RSRC1: variants seen among roughly 807,000 people sequenced by gnomAD.
RSRC1 encodes the protein arginine and serine rich coiled-coil 1, also known as serine/Arginine-related protein 53.
A neutral mutation model predicts 49.1 loss-of-function variants in RSRC1; 39 were observed. The ratio of observed to expected loss-of-function variants is 0.79; its 90% CI spans 0.61 to 1.04. The LOEUF is 1.04. Among genes scored for constraint, RSRC1 ranks in the 50% least tolerant of loss-of-function variants. The pLI, the probability that RSRC1 is intolerant of heterozygous loss-of-function variation, is 0.00. For missense variants in RSRC1, 388 were observed against 402.4 expected, an observed-to-expected ratio of 0.96 and a Z score of 0.31; for synonymous variants, 143 against 130.8, an observed-to-expected ratio of 1.09 and a Z score of -0.63.
At chr3:158,396,296 T>G (rs1733606602) in intron 6 of RSRC1, among the ~76,000 whole-genome samples, 1 of 151,894 alleles carries the variant, frequency 6.6e-6, no homozygotes, top group Non-Finnish European at 1.5e-5. Flanking sequence ...TGACATGCAA[T>G]TTACCTATAT....
At chr3:158,446,795 T>C (rs561658272) in intron 6 of RSRC1, among the ~76,000 whole-genome samples, 2 of 152,140 alleles carry the variant, frequency 1.3e-5, no homozygotes, top group East Asian at 3.9e-4. Flanking sequence ...AACGTGCCTC[T>C]TCATTAACAG....
At position 158,169,074 on chromosome 3, in the gene RSRC1, A is replaced by G. The variant is rs181430402; in HGVS notation, c.321-33998A>G. Among the ~76,000 whole-genome samples the G allele has an allele frequency of 7.5e-3, 1,140 of 151,798 alleles. 13 individuals are homozygous for G. Among genetic ancestry groups the G allele is most frequent in the African/African-American group, 0.026 (1,085 of 41,372 alleles). ...AAATAGAAACCAGCCCTTTGGAAAG[A>G]CTCCCTTCACCCCTAATATCAGCGT... is the stretch of plus-strand genomic sequence containing the variant. On this transcript the variant is annotated intron_variant, in intron 3 of 9. Transcript: ENST00000611884.
At chr3:158,334,449 A>G (rs1729744756) in intron 5 of RSRC1, among the ~76,000 whole-genome samples, 1 of 151,158 alleles carries the variant, frequency 6.6e-6, no homozygotes, top group Non-Finnish European at 1.5e-5. Flanking sequence ...CTCTTGGTTT[A>G]GCTATTTTAA....
chr3:158,514,934 T>G (rs1414995639), intron 7 of RSRC1, among the ~76,000 whole-genome samples: 1 of 152,148 alleles, frequency 6.6e-6, no homozygotes, highest in Non-Finnish European at 1.5e-5. Context: ...AGAGTAGGAT[T>G]GCAACCCCTA....
intron 6 of RSRC1, among the ~76,000 whole-genome samples, chr3:158,384,113 A>C (rs555726269): frequency 3.2e-4 from 49 of 152,274 alleles, no homozygotes; most frequent in Admixed American, 6.5e-4. Context: ...TAGTTTTCGA[A>C]ATATGTCATA....
At chr3:158,287,397 A>G (rs1726635268) in intron 4 of RSRC1, among the ~76,000 whole-genome samples, 1 of 152,158 alleles carries the variant, frequency 6.6e-6, no homozygotes, top group African/African-American at 2.4e-5. Flanking sequence ...AATAGTGGAG[A>G]TGAAATATAC....
At chr3:158,248,654 G>A (rs827181) in intron 4 of RSRC1, among the ~76,000 whole-genome samples, 5 of 150,896 alleles carry the variant, frequency 3.3e-5, no homozygotes, top group African/African-American at 1.2e-4. Flanking sequence ...CTGGAGTGCA[G>A]TAATGTGATC....
chr3:158,449,627 A>AT (rs1386205800), intron 6 of RSRC1, among the ~76,000 whole-genome samples: 8 of 145,306 alleles, frequency 5.5e-5, no homozygotes, highest in Admixed American at 2.1e-4. Context: ...TTATATATAT[A>AT]TATTTTTATT....
At chr3:158,517,731 G>A (rs867530422) in intron 7 of RSRC1, among the ~76,000 whole-genome samples, 2 of 136,172 alleles carry the variant, frequency 1.5e-5, no homozygotes, top group Non-Finnish European at 1.5e-5. Flanking sequence ...TGAAACTATA[G>A]GTGTATACCA....
intron 3 of RSRC1, among the ~76,000 whole-genome samples, chr3:158,176,713 T>C (rs898859789): frequency 9.2e-5 from 14 of 152,168 alleles, no homozygotes; most frequent in Non-Finnish European, 1.5e-5. Context: ...ACCTAGGCAA[T>C]ACCATTCAGG....
intron 5 of RSRC1, among the ~76,000 whole-genome samples, chr3:158,350,204 G>A (rs1730796245): frequency 7.3e-6 from 1 of 137,490 alleles, no homozygotes; most frequent in Admixed American, 7.7e-5. Flanking sequence ...TTGAGAAAAG[G>A]TCTGGCTCTA....
intron 3 of RSRC1, among the ~76,000 whole-genome samples, chr3:158,144,505 G>A (rs1405929192): frequency 3.5e-4 from 54 of 152,186 alleles, no homozygotes; most frequent in Admixed American, 3.5e-3. Context: ...TGGTGTATAT[G>A]TGCCACGTTT....
At chr3:158,435,781 T>C (rs1014416526) in intron 6 of RSRC1, among the ~76,000 whole-genome samples, 9 of 151,784 alleles carry the variant, frequency 5.9e-5, no homozygotes, top group African/African-American at 9.7e-5. Context: ...GTACATCTTC[T>C]AGTTAAAACA....
At chr3:158,408,179 C>A (rs1285210369) in intron 6 of RSRC1, among the ~76,000 whole-genome samples, 1 of 152,206 alleles carries the variant, frequency 6.6e-6, no homozygotes, top group African/African-American at 2.4e-5. Flanking sequence ...GATACACCTT[C>A]CTCAGCTCGT....
chr3:158,528,574 G>A (rs1712186517), intron 7 of RSRC1, among the ~76,000 whole-genome samples: 2 of 151,810 alleles, frequency 1.3e-5, no homozygotes, highest in Admixed American at 6.6e-5. Context: ...AGAGATGGCT[G>A]GCAGACAGCA....
intron 6 of RSRC1, among the ~76,000 whole-genome samples, chr3:158,425,884 G>A (rs911578566): frequency 6.6e-6 from 1 of 151,726 alleles, no homozygotes; most frequent in Non-Finnish European, 1.5e-5. Context: ...AGAAGAAAGA[G>A]GAGCGGTGGA....
intron 4 of RSRC1, among the ~76,000 whole-genome samples, chr3:158,241,735 A>G (rs1723592192): frequency 6.6e-6 from 1 of 152,054 alleles, no homozygotes; most frequent in African/African-American, 2.4e-5. Context: ...TTCTAGGTAA[A>G]TCACTGAAGA....
intron 4 of RSRC1, among the ~76,000 whole-genome samples, chr3:158,221,409 T>G (rs698977): frequency 0.65 from 97,469 of 150,594 alleles, 31,804 homozygotes; most frequent in East Asian, 0.84. Context: ...ATTAGAGTGA[T>G]GAGAAACATG....
chr3:158,319,268 G>A (rs753964151), intron 5 of RSRC1, among the ~76,000 whole-genome samples: 2 of 152,112 alleles, frequency 1.3e-5, no homozygotes, highest in Non-Finnish European at 2.9e-5. Context: ...TCATGAAATC[G>A]GATAGTTTAA....
Sources: gnomAD v4.1 joint callset for allele counts (sites outside exome capture counted in the v4.1 genomes callset) on GRCh38, gnomAD v4.1.1 for gene constraint, MANE v1.5 for transcripts, NCBI Gene and HGNC (gene_info 2026-07-23, HGNC 2026-07-21) for gene names.